Variants in SMYD3 observed in about 807,000 individuals in gnomAD.
The protein encoded by SMYD3 is SET and MYND domain containing 3.
A neutral mutation model predicts 57.7 loss-of-function variants in SMYD3; 36 were observed. The observed-to-expected ratio is 0.62, with a 90% confidence interval of 0.48 to 0.82. The LOEUF (loss-of-function observed/expected upper bound fraction) is 0.82. Among genes scored for constraint, SMYD3 ranks in the 40% least tolerant of loss-of-function variants. The probability of loss-of-function intolerance (pLI) is 0.00; values close to 1 mark genes in which losing one functional copy is unlikely to be tolerated. For synonymous variants in SMYD3, 211 were observed against 195.0 expected (o/e 1.08, Z -0.68); for missense variants, 515 against 538.8 (o/e 0.96, Z 0.44).
chr1:246,034,163 G>A (rs887695710), intron 5 of SMYD3, among the ~76,000 whole-genome samples: 1 of 152,158 alleles, frequency 6.6e-6, no homozygotes, highest in African/African-American at 2.4e-5. Context: ...TAGACAGAAT[G>A]CATCCTAGTA....
chr1:245,831,373 T>G (rs1265534909), intron 10 of SMYD3, among the ~76,000 whole-genome samples: 1 of 152,200 alleles, frequency 6.6e-6, no homozygotes, highest in Non-Finnish European at 1.5e-5. Context: ...CCAAGACCTT[T>G]GATAAGTGCC....
intron 5 of SMYD3, among the ~76,000 whole-genome samples, chr1:246,312,437 A>AAAC: frequency 6.6e-6 from 1 of 152,292 alleles, no homozygotes; most frequent in Admixed American, 6.5e-5. Flanking sequence ...TATAAAAATA[A>AAAC]AACAATAGAG....
intron 8 of SMYD3, among the ~76,000 whole-genome samples, chr1:245,875,748 T>C (rs1053906092): frequency 6.6e-6 from 1 of 152,248 alleles, no homozygotes; most frequent in Admixed American, 6.5e-5. Context: ...TCATACTCAT[T>C]GTGGGCCAAA....
At chr1:246,225,183 T>A (rs751330519) in intron 5 of SMYD3, among the ~76,000 whole-genome samples, 169 of 151,654 alleles carry the variant, frequency 1.1e-3, no homozygotes, top group Non-Finnish European at 1.9e-3. Context: ...ATAATTCCAG[T>A]ATTTAAAGGT....
chr1:246,074,685 T>G (rs80155137), intron 5 of SMYD3, among the ~76,000 whole-genome samples: 253 of 152,292 alleles, frequency 1.7e-3, no homozygotes, highest in Non-Finnish European at 2.6e-3. Context: ...CTGCAGCTTC[T>G]TAAAGAAACA....
At chr1:246,091,898 A>G (rs1230575809) in intron 5 of SMYD3, among the ~76,000 whole-genome samples, 1 of 152,252 alleles carries the variant, frequency 6.6e-6, no homozygotes, top group African/African-American at 2.4e-5. Flanking sequence ...GCATGAATTC[A>G]AAACAGACAA....
chr1:246,095,002 G>A (rs1354485424), intron 5 of SMYD3, among the ~76,000 whole-genome samples: 3 of 151,990 alleles, frequency 2.0e-5, no homozygotes, highest in East Asian at 1.9e-4. Context: ...TCCCAGTGAC[G>A]TCTTGATCCT....
chr1:246,295,825 G>A (rs1042263474), intron 5 of SMYD3, among the ~76,000 whole-genome samples: 6 of 152,092 alleles, frequency 3.9e-5, no homozygotes, highest in East Asian at 1.9e-4. Context: ...AAAATAAATC[G>A]TTAAACAATT....
intron 5 of SMYD3, among the ~76,000 whole-genome samples, chr1:246,083,770 CCTTA>C (rs1201595934): frequency 6.6e-6 from 1 of 152,140 alleles, no homozygotes; most frequent in Non-Finnish European, 1.5e-5. Flanking sequence ...GAGCCCTTTC[CCTTA>C]CTGAGTCCCA....
At chr1:246,256,557 T>C (rs976971473) in intron 5 of SMYD3, among the ~76,000 whole-genome samples, 1 of 143,152 alleles carries the variant, frequency 7.0e-6, no homozygotes, top group Admixed American at 7.3e-5. Flanking sequence ...ATTGTGCTTA[T>C]TTGAACTTCT....
chr1:246,419,972 G>C (rs1021990348), intron 1 of SMYD3, among the ~76,000 whole-genome samples: 2 of 152,200 alleles, frequency 1.3e-5, no homozygotes, highest in African/African-American at 4.8e-5. Flanking sequence ...GAGGCAGGGG[G>C]ATCACGAGGT....
At chr1:246,143,519 T>C (rs2061795604) in intron 5 of SMYD3, among the ~76,000 whole-genome samples, 2 of 151,958 alleles carry the variant, frequency 1.3e-5, no homozygotes, top group Non-Finnish European at 2.9e-5. Context: ...ATACAAAAAA[T>C]CAGCCGGCTA....
chr1:245,938,651 G>C (rs2057084751), intron 5 of SMYD3, among the ~76,000 whole-genome samples: 1 of 152,122 alleles, frequency 6.6e-6, no homozygotes, highest in East Asian at 1.9e-4. Context: ...TCTTCTTCCA[G>C]ACACTTTTAT....
chr1:246,307,109 G>C (rs1275408104), intron 5 of SMYD3, among the ~76,000 whole-genome samples: 3 of 152,134 alleles, frequency 2.0e-5, no homozygotes, highest in Non-Finnish European at 4.4e-5. Flanking sequence ...GTATAAAATA[G>C]TTTTCACACT....
In SMYD3 at chr1:245,789,895, T is replaced by A. The variant is rs143064585; in HGVS notation, c.1077-25746A>T. Among the ~76,000 whole-genome samples, 483 of 152,370 alleles carry A rather than the reference T, an allele frequency of 3.2e-3. 1 individual carries two copies. The highest frequency in any genetic ancestry group is 0.011 in the African/African-American group (439 of 41,600). ...ACCTTTGGAAAAGTGAAACTAGAAT[T>A]CATTGACCAGTTTGTTCATTTATTT... On this transcript the variant is annotated intron_variant, in intron 10 of 11. Coordinates refer to ENST00000490107, the MANE Select transcript of SMYD3 (RefSeq NM_001167740.2).
intron 5 of SMYD3, among the ~76,000 whole-genome samples, chr1:246,036,026 T>G (rs895402039): frequency 6.6e-6 from 1 of 152,150 alleles, no homozygotes; most frequent in African/African-American, 2.4e-5. Flanking sequence ...AAAGTGCAAA[T>G]GACGGAGCAT....
chr1:245,771,134 G>GTATA (rs895223387), intron 10 of SMYD3, among the ~76,000 whole-genome samples: 3 of 149,374 alleles, frequency 2.0e-5, no homozygotes, highest in Non-Finnish European at 4.4e-5. Flanking sequence ...ATATATACAT[G>GTATA]TATATATACA....
chr1:246,418,678 G>T (rs916864632), intron 1 of SMYD3, among the ~76,000 whole-genome samples: 1 of 152,178 alleles, frequency 6.6e-6, no homozygotes, highest in Non-Finnish European at 1.5e-5. Context: ...GGAGCCAGAA[G>T]GGAAATGGTT....
At chr1:246,018,220 A>G (rs2059410805) in intron 5 of SMYD3, among the ~76,000 whole-genome samples, 1 of 152,216 alleles carries the variant, frequency 6.6e-6, no homozygotes, top group Admixed American at 6.5e-5. Context: ...TGGAATACCA[A>G]GAGTTCACAC....
Sources: allele counts gnomAD v4.1 joint callset (sites outside exome capture counted in the v4.1 genomes callset), GRCh38; gene constraint gnomAD v4.1.1; transcripts MANE v1.5; gene names NCBI Gene and HGNC (gene_info 2026-07-23, HGNC 2026-07-21).